The following ATP10B variants were observed in gnomAD, a reference collection of about 807,000 sequenced individuals.
ATP10B encodes ATPase phospholipid transporting 10B (putative).
In ATP10B, 122 loss-of-function variants were observed where a neutral mutation model predicts 141.2. That is an observed-to-expected ratio of 0.86 (90% CI 0.75 to 1.00). ATP10B has a LOEUF of 1.00. Ranked by LOEUF, ATP10B falls within the 50% of genes least tolerant of loss-of-function variation. The pLI, the probability that ATP10B is intolerant of heterozygous loss-of-function variation, is 0.00. For missense variants in ATP10B, 1,876 were observed against 1,825.3 expected (o/e 1.03, Z -0.51); for synonymous variants, 685 against 692.0 (o/e 0.99, Z 0.16).
At chr5:160,774,166 C>CTT (rs145221327) in intron 2 of ATP10B, among the ~76,000 whole-genome samples, 18,516 of 152,122 alleles carry the variant, frequency 0.12, 1,344 homozygotes, top group Middle Eastern at 0.17. Context: ...AGGAGGTGGA[C>CTT]ATACAAAGTA....
chr5:160,568,096 G>A (rs1308240481), intron 25 of ATP10B, among the ~76,000 whole-genome samples: 1 of 152,180 alleles, frequency 6.6e-6, no homozygotes, highest in Admixed American at 6.5e-5. Flanking sequence ...GAGATACCCA[G>A]ATTTCTGGGG....
chr5:160,682,657 G>C (rs1763477108), intron 6 of ATP10B, among the ~76,000 whole-genome samples: 1 of 152,106 alleles, frequency 6.6e-6, no homozygotes, highest in African/African-American at 2.4e-5. Flanking sequence ...CCAGCTTCCT[G>C]GCTTGCCACT....
intron 22 of ATP10B, among the ~76,000 whole-genome samples, chr5:160,594,113 A>G (rs2127616073): frequency 6.6e-6 from 1 of 152,332 alleles, no homozygotes; most frequent in East Asian, 1.9e-4. Flanking sequence ...GAAATGAAGG[A>G]AAAAATGTCA....
intron 2 of ATP10B, among the ~76,000 whole-genome samples, chr5:160,783,446 C>CACAT (rs1770884909): frequency 8.3e-6 from 1 of 120,582 alleles, no homozygotes; most frequent in Non-Finnish European, 1.7e-5. Flanking sequence ...ATATCCATCA[C>CACAT]ATATATATAT....
chr5:160,694,041 A>T (rs1764229862), intron 3 of ATP10B, among the ~76,000 whole-genome samples: 1 of 152,182 alleles, frequency 6.6e-6, no homozygotes, highest in African/African-American at 2.4e-5. Flanking sequence ...TGAGGGCAAG[A>T]GAGAGTCTGA....
the ATP10B span, among the ~76,000 whole-genome samples, chr5:160,874,285 A>G: frequency 2.6e-5 from 4 of 151,902 alleles, no homozygotes; most frequent in African/African-American, 9.7e-5. Flanking sequence ...CTGACACCTC[A>G]CACGGCAGGG....
the ATP10B span, among the ~76,000 whole-genome samples, chr5:160,874,639 A>T: frequency 6.6e-6 from 1 of 152,194 alleles, no homozygotes; most frequent in South Asian, 2.1e-4. Flanking sequence ...ACTTTGAAAA[A>T]AATGTAGAAG....
rs547719218 is a variant in ATP10B at position 160,717,924 on chromosome 5, G to A, written c.-330-890C>T. 3.3e-5 allele frequency among the ~76,000 whole-genome samples: 5 copies of A among 152,236 alleles called. No individual in the cohort carries two copies. The East Asian group carries it at 7.7e-4, about 24-fold the overall frequency. ...CAAAACTAGTCACAAGGGATAAGGC[G>A]GGGTGCTGAATCTGGAATGAAAACA... is the stretch of plus-strand genomic sequence containing the variant. On this transcript the variant is annotated intron_variant, in intron 2 of 25. Coordinates refer to ENST00000327245, the MANE Select transcript of ATP10B (RefSeq NM_025153.3).
chr5:160,880,531 T>C, the ATP10B span, among the ~76,000 whole-genome samples: 1 of 152,154 alleles, frequency 6.6e-6, no homozygotes, highest in Non-Finnish European at 1.5e-5. Context: ...CTTCAAGACT[T>C]ACTTTAAAGC....
At chr5:160,715,130 T>G (rs2127774543) in intron 3 of ATP10B, among the ~76,000 whole-genome samples, 1 of 149,214 alleles carries the variant, frequency 6.7e-6, no homozygotes, top group South Asian at 2.2e-4. Context: ...CCTTGAGCTG[T>G]GGTGGGCTCC....
At chr5:160,832,879 G>A (rs1229328471) in intron 1 of ATP10B, among the ~76,000 whole-genome samples, 1 of 152,064 alleles carries the variant, frequency 6.6e-6, no homozygotes, top group African/African-American at 2.4e-5. Context: ...AATCTTTTAT[G>A]GTCAGGCATG....
chr5:160,829,111 G>T (rs1350813790), intron 1 of ATP10B, among the ~76,000 whole-genome samples: 1 of 151,312 alleles, frequency 6.6e-6, no homozygotes, highest in Non-Finnish European at 1.5e-5. Flanking sequence ...AATTCTAAAT[G>T]ATGAGTTAAT....
At chr5:160,760,773 A>G (rs953413319) in intron 2 of ATP10B, among the ~76,000 whole-genome samples, 4 of 152,090 alleles carry the variant, frequency 2.6e-5, no homozygotes, top group Non-Finnish European at 5.9e-5. Context: ...GGAGACCTGT[A>G]TGATGCAGCA....
chr5:160,778,040 C>T (rs1003347495), intron 2 of ATP10B, among the ~76,000 whole-genome samples: 2 of 152,148 alleles, frequency 1.3e-5, no homozygotes, highest in Non-Finnish European at 2.9e-5. Flanking sequence ...GAAGGATACA[C>T]ACATACAAAG....
intron 22 of ATP10B, among the ~76,000 whole-genome samples, chr5:160,598,556 A>G (rs528795534): frequency 2.4e-4 from 37 of 152,132 alleles, no homozygotes; most frequent in Non-Finnish European, 4.6e-4. Context: ...AAAAAAAATT[A>G]AAAATACCCA....
At chr5:160,859,778 G>A in the ATP10B span, among the ~76,000 whole-genome samples, 491 of 151,936 alleles carry the variant, frequency 3.2e-3, 5 homozygotes, top group African/African-American at 0.011. Context: ...CGTCAGGTAT[G>A]CTTAGTAACT....
intron 3 of ATP10B, among the ~76,000 whole-genome samples, chr5:160,714,937 G>A (rs1170087858): frequency 7.3e-6 from 1 of 137,756 alleles, no homozygotes; most frequent in Admixed American, 7.1e-5. Flanking sequence ...GGGGGTCAGG[G>A]GTCAGGGACC....
chr5:160,685,116 G>A (rs749957373), intron 6 of ATP10B: 14 of 703,008 alleles, frequency 2.0e-5, no homozygotes, highest in South Asian at 1.0e-4. Flanking sequence ...GATGATGTCT[G>A]TTGGGGTTCT....
At chr5:160,632,625 T>G (rs1459003873) in intron 12 of ATP10B, 1 of 266,442 alleles carries the variant, frequency 3.8e-6, no homozygotes, top group Non-Finnish European at 6.9e-6. Context: ...CAGAGGTTTT[T>G]TTTTTTTTTT....
Sources: allele counts gnomAD v4.1 joint callset (sites outside exome capture counted in the v4.1 genomes callset), GRCh38; gene constraint gnomAD v4.1.1; transcripts MANE v1.5; gene names NCBI Gene and HGNC (gene_info 2026-07-23, HGNC 2026-07-21).